The following NUCKS1 variants were observed in gnomAD, a reference collection of about 807,000 sequenced individuals.
The protein encoded by NUCKS1 is nuclear ubiquitous casein and cyclin-dependent kinase substrate 1.
A neutral mutation model predicts 33.0 loss-of-function variants in NUCKS1; 2 were observed. The observed-to-expected ratio is 0.06, with a 90% CI of 0.02 to 0.19. NUCKS1 has a LOEUF of 0.19. NUCKS1 is among the 10% of genes least tolerant of loss of function. NUCKS1 has a pLI of 1.00. For synonymous variants in NUCKS1, 106 were observed against 102.8 expected (o/e 1.03, Z -0.19); for missense variants, 201 against 293.6 (o/e 0.68, Z 2.31).
rs202128119 is a variant in NUCKS1, at chr1:205,722,547, G to A, written c.229+1379C>T. On this transcript the variant is annotated intron_variant, in intron 4 of 6. Coordinates refer to ENST00000367142, the MANE Select transcript of NUCKS1 (RefSeq NM_022731.5). ...GCTGGGATTACAGGCATGAGCCACC[G>A]GGCTCAGCCAAATTTTTGTATTTTT... Among the ~76,000 whole-genome samples, 99 of 151,064 alleles carry A rather than the reference G, an allele frequency of 6.6e-4. No homozygotes were observed. In the East Asian group the frequency reaches 0.016, roughly 24 times the overall value.
chr1:205,720,919 T>C (rs937810608), intron 4 of NUCKS1, among the ~76,000 whole-genome samples: 5 of 152,188 alleles, frequency 3.3e-5, no homozygotes, highest in Non-Finnish European at 7.3e-5. Context: ...CATGGAATAC[T>C]ATGCAGCCAT....
At chr1:205,746,178 T>C (rs1177493296) in intron 1 of NUCKS1, among the ~76,000 whole-genome samples, 1 of 151,898 alleles carries the variant, frequency 6.6e-6, no homozygotes. Flanking sequence ...CACCTGTAAT[T>C]CCAGCTACTC....
At chr1:205,726,744 A>G (rs1298306415) in intron 3 of NUCKS1, among the ~76,000 whole-genome samples, 1 of 152,212 alleles carries the variant, frequency 6.6e-6, no homozygotes, top group African/African-American at 2.4e-5. Context: ...TAAGAAGTTA[A>G]TATTTACCCA....
At chr1:205,745,529 G>A (rs773982410) in intron 1 of NUCKS1, among the ~76,000 whole-genome samples, 2 of 151,980 alleles carry the variant, frequency 1.3e-5, no homozygotes, top group African/African-American at 4.8e-5. Context: ...TAAATATTGA[G>A]TTGAGCAAAA....
At chr1:205,725,064 T>C (rs1047048764) in intron 3 of NUCKS1, among the ~76,000 whole-genome samples, 1 of 152,234 alleles carries the variant, frequency 6.6e-6, no homozygotes, top group African/African-American at 2.4e-5. Flanking sequence ...TTTTTAAAAA[T>C]AGAGATGGGG....
chr1:205,728,486 AAAT>A (rs1285658187), intron 2 of NUCKS1, among the ~76,000 whole-genome samples: 1 of 152,236 alleles, frequency 6.6e-6, no homozygotes, highest in African/African-American at 2.4e-5. Flanking sequence ...CTCAAAATAG[AAAT>A]AATAATAGTA....
chr1:205,729,052 T>A (rs1417978055), intron 2 of NUCKS1, among the ~76,000 whole-genome samples: 1 of 152,050 alleles, frequency 6.6e-6, no homozygotes, highest in Non-Finnish European at 1.5e-5. Flanking sequence ...CACTGCAACC[T>A]CCGCCTCCCG....
chr1:205,724,093 A>G (rs745380402), intron 3 of NUCKS1, 112 bp from the exon 4 acceptor site: 2 of 816,060 alleles, frequency 2.5e-6, no homozygotes, highest in Non-Finnish European at 4.4e-6. Context: ...TCTTCTATAT[A>G]AAATCTTCAA....
At chr1:205,744,005 T>C (rs929420504) in intron 1 of NUCKS1, among the ~76,000 whole-genome samples, 1 of 152,320 alleles carries the variant, frequency 6.6e-6, no homozygotes, top group Middle Eastern at 3.4e-3. Context: ...ATGCCACCTT[T>C]TTCTCGGCAA....
chr1:205,746,828 T>C (rs1480775761), intron 1 of NUCKS1, among the ~76,000 whole-genome samples: 1 of 152,216 alleles, frequency 6.6e-6, no homozygotes, highest in Non-Finnish European at 1.5e-5. Context: ...GTAAGGTTCC[T>C]TACAATCTCA....
intron 1 of NUCKS1, among the ~76,000 whole-genome samples, chr1:205,748,573 C>A (rs1180189596): frequency 6.6e-6 from 1 of 152,236 alleles, no homozygotes; most frequent in Admixed American, 6.5e-5. Flanking sequence ...TGAGTTACCA[C>A]AGATGCTGAT....
intron 3 of NUCKS1, among the ~76,000 whole-genome samples, chr1:205,727,137 A>C (rs951445839): frequency 1.3e-5 from 2 of 151,694 alleles, no homozygotes; most frequent in East Asian, 1.9e-4. Context: ...CCAATTTTTA[A>C]ATTTTTATGT....
At chr1:205,728,766 G>A (rs990278865) in intron 2 of NUCKS1, among the ~76,000 whole-genome samples, 1 of 152,060 alleles carries the variant, frequency 6.6e-6, no homozygotes, top group Non-Finnish European at 1.5e-5. Flanking sequence ...ACCTCTTATG[G>A]CTAAGACTTA....
chr1:205,749,405 C>CA (rs1654418916), intron 1 of NUCKS1, among the ~76,000 whole-genome samples: 1 of 152,234 alleles, frequency 6.6e-6, no homozygotes, highest in Non-Finnish European at 1.5e-5. Flanking sequence ...CCCCGAAGGA[C>CA]AGAGGCGGGG....
At chr1:205,720,463 G>T in intron 5 of NUCKS1, 38 bp downstream of exon 5, 1 of 1,594,094 alleles carries the variant, frequency 6.3e-7, no homozygotes, top group South Asian at 1.1e-5. Context: ...CTACAATTAT[G>T]ACCAAACAAC....
intron 1 of NUCKS1, among the ~76,000 whole-genome samples, chr1:205,744,263 C>T (rs548512654): frequency 1.6e-4 from 25 of 152,274 alleles, no homozygotes; most frequent in African/African-American, 5.8e-4. Context: ...ATACAAATTC[C>T]TGCTTCATCT....
chr1:205,736,541 A>G (rs1256878383), intron 1 of NUCKS1, among the ~76,000 whole-genome samples: 1 of 151,830 alleles, frequency 6.6e-6, no homozygotes, highest in Non-Finnish European at 1.5e-5. Flanking sequence ...AATTCCAGTA[A>G]TTGCCAGGTG....
rs560296641 is a variant in NUCKS1, at chr1:205,716,274, G to A, written c.*2006C>T. Reference sequence around the variant, plus strand: ...CAAATCTTCACGAAACATAACCTAAGAAAAGCCCAAATGTTACTAGGAATG... The same window carrying A: ...CAAATCTTCACGAAACATAACCTAAAAAAAGCCCAAATGTTACTAGGAATG... On this transcript the variant is annotated 3_prime_UTR_variant, in exon 7 of 7. Coordinates refer to ENST00000367142, the MANE Select transcript of NUCKS1 (RefSeq NM_022731.5). 3.3e-5 allele frequency: 5 copies of A among 152,170 alleles called. No homozygotes were observed. The highest frequency in any genetic ancestry group is 7.4e-5 in the Non-Finnish European group (5 of 67,986). The allele number at this position is 152,170 out of a possible 1,614,324, so 9.4% of individuals were successfully genotyped here. A position where few individuals can be genotyped will look rare whatever the true frequency, so the allele number is the denominator to read the frequency against.
At chr1:205,738,050 G>T (rs1654071537) in intron 1 of NUCKS1, among the ~76,000 whole-genome samples, 1 of 152,126 alleles carries the variant, frequency 6.6e-6, no homozygotes, top group Non-Finnish European at 1.5e-5. Flanking sequence ...TTTTGAGACG[G>T]AGTCTCGCTT....
Sources: gnomAD v4.1 joint callset for allele counts (sites outside exome capture counted in the v4.1 genomes callset) on GRCh38, gnomAD v4.1.1 for gene constraint, MANE v1.5 for transcripts, NCBI Gene and HGNC (gene_info 2026-07-23, HGNC 2026-07-21) for gene names.